CABCOCO1: variants seen among roughly 807,000 people sequenced by gnomAD.
CABCOCO1 encodes ciliary-associated calcium-binding coiled-coil protein 1.
In CABCOCO1, 28 loss-of-function variants were observed where a neutral mutation model predicts 35.7. The ratio of observed to expected loss-of-function variants is 0.78; its 90% CI spans 0.58 to 1.07. CABCOCO1 has a LOEUF of 1.07. CABCOCO1 is among the 50% of genes least tolerant of loss of function. The pLI is 0.00. For missense variants in CABCOCO1, 326 were observed against 309.2 expected (o/e 1.05, Z -0.41); for synonymous variants, 95 against 100.1 (o/e 0.95, Z 0.30).
Position 61,680,673 on chromosome 10 carries a change from T to TA in CABCOCO1, c.165-469dup, listed in dbSNP as rs1839740125. 3.4e-5 allele frequency among the ~76,000 whole-genome samples: 3 copies of TA among 87,016 alleles called. 1 individual carries two copies. The Admixed American group carries it at 3.8e-4, about 11-fold the overall frequency. The allele number at this position is 87,016 out of a possible 152,430, so 57.1% of individuals were successfully genotyped here. A position where few individuals can be genotyped will look rare whatever the true frequency, so the allele number is the denominator to read the frequency against. ...TATATTATGTTATACATGTATAACA[T>TA]ATATGTTATACATGTATAACATATA... On this transcript the variant is annotated intron_variant, in intron 2 of 7. Coordinates refer to ENST00000648843, the MANE Select transcript of CABCOCO1 (RefSeq NM_001366906.2).
At chr10:61,729,360 A>G (rs79239486) in intron 5 of CABCOCO1, among the ~76,000 whole-genome samples, 2,382 of 151,476 alleles carry the variant, frequency 0.016, 59 homozygotes, top group African/African-American at 0.054. Flanking sequence ...GGTATATGGG[A>G]AAAAAAAATG....
chr10:61,678,798 A>C (rs1312980457), intron 2 of CABCOCO1, among the ~76,000 whole-genome samples: 2 of 152,098 alleles, frequency 1.3e-5, no homozygotes, highest in Non-Finnish European at 2.9e-5. Context: ...CCATCATAGA[A>C]CAATAATTAT....
intron 4 of CABCOCO1, 44 bp from the exon 5 acceptor site, chr10:61,690,505 C>T: frequency 7.5e-7 from 1 of 1,340,268 alleles, no homozygotes; most frequent in South Asian, 1.3e-5. Context: ...TGTTTTTTTT[C>T]CTGAAATCAA....
chr10:61,685,477 T>C (rs1479351849), intron 3 of CABCOCO1: 1 of 152,138 alleles, frequency 6.6e-6, no homozygotes, highest in Admixed American at 6.5e-5. Context: ...TTTTGAATTT[T>C]TTTTCTTTTT....
At position 61,765,969 on chromosome 10, in the gene CABCOCO1, G is replaced by A. The variant is rs1842099903; in HGVS notation, c.847G>A (p.Glu283Lys). 3 of 1,613,414 alleles carry A rather than the reference G, an allele frequency of 1.9e-6. No homozygotes were observed. The highest frequency in any genetic ancestry group is 1.1e-5 in the South Asian group (1 of 91,044). Reference protein sequence around the residue: ...TEINEKLQIQEEAFNARIEKL... With the variant: ...TEINEKLQIQKEAFNARIEKL... ...GATAAACGAAAAACTGCAAATACAG[G>A]AAGAGGCCTTTAATGCACGAATAGA... The change falls in exon 8 of 8, where the codon GAA becomes AAA. Residue 283 changes from glutamate (E) to lysine (K), a missense_variant. By Grantham distance (56) the Glu-to-Lys change is moderately conservative. Transcript: ENST00000648843.
At chr10:61,748,540 C>T (rs1016595325) in intron 5 of CABCOCO1, among the ~76,000 whole-genome samples, 3 of 152,188 alleles carry the variant, frequency 2.0e-5, no homozygotes, top group Non-Finnish European at 4.4e-5. Flanking sequence ...ACTGTTATGG[C>T]CGTTTTCTAG....
intron 5 of CABCOCO1, among the ~76,000 whole-genome samples, chr10:61,693,398 A>G (rs1160160940): frequency 6.6e-6 from 1 of 152,106 alleles, no homozygotes; most frequent in East Asian, 1.9e-4. Context: ...CAAGACAAAC[A>G]TGAATGTTTG....
chr10:61,679,526 AT>A (rs1839642644), intron 2 of CABCOCO1, among the ~76,000 whole-genome samples: 1 of 152,180 alleles, frequency 6.6e-6, no homozygotes, highest in Admixed American at 6.5e-5. Flanking sequence ...TTCCTTACCA[AT>A]TAAAAAAAAT....
rs377531586 is a variant in CABCOCO1 at position 61,680,606 on chromosome 10, A to ATGTTATACATAACATAT, written c.165-537_165-536insTGTTATACATAACATAT. Among the ~76,000 whole-genome samples the ATGTTATACATAACATAT allele has an allele frequency of 1.7e-4, 3 of 17,218 alleles. No individual in the cohort carries two copies. In the Admixed American group the frequency reaches 2.9e-3, roughly 17 times the overall value. 11.3% of individuals were successfully genotyped at this position (17,218 alleles called of 152,430 possible). On this transcript the variant is annotated intron_variant, in intron 2 of 7. Transcript: ENST00000648843. Reference sequence around the variant, plus strand: ...TATATAACATATGTTATACATGTATAACATGTTATACATAACATATACATG... The same window carrying ATGTTATACATAACATAT: ...TATATAACATATGTTATACATGTATATGTTATACATAACATATACATGTTATACATAACATATACATG...
intron 3 of CABCOCO1, chr10:61,684,793 C>T (rs759016612): frequency 1.3e-5 from 2 of 152,344 alleles, no homozygotes; most frequent in Non-Finnish European, 2.9e-5. Context: ...TTACCTGACT[C>T]CATCTTCCAG....
Position 61,681,184 on chromosome 10 carries a change from G to T in CABCOCO1, c.206G>T (p.Cys69Phe). The change falls in exon 3 of 8, where the codon TGT (cysteine) becomes TTT (phenylalanine). Residue 69 changes from cysteine to phenylalanine, a missense_variant. Physicochemically the swap from Cys to Phe is radical, Grantham distance 205. Transcript: ENST00000648843. ...IFLNFKNLET[C>F]LKDAILLDYY... ...TTGAATTTCAAAAACCTTGAAACTT[G>T]TTTAAAGGATGCCATTCTACTAGAT... The T allele has an allele frequency of 6.6e-7, 1 of 1,506,656 alleles. No individual in the cohort carries two copies. Among genetic ancestry groups the T allele is most frequent in the Non-Finnish European group, 8.9e-7 (1 of 1,119,776 alleles). The allele number at this position is 1,506,656 out of a possible 1,614,324, so 93.3% of individuals were successfully genotyped here.
At position 61,738,977 on chromosome 10, in the gene CABCOCO1, G is replaced by GT. The variant is rs568788033; in HGVS notation, c.553-21072dup. ...AATGGACATTGCTAATTACAAGTGAGTTTTTTTTTTCTTAAGTCATTTAGG... is the reference window on the plus strand; with the variant it reads ...AATGGACATTGCTAATTACAAGTGAGTTTTTTTTTTTCTTAAGTCATTTAGG... On this transcript the variant is annotated intron_variant, in intron 5 of 7. Coordinates refer to ENST00000648843, the MANE Select transcript of CABCOCO1 (RefSeq NM_001366906.2). Among the ~76,000 whole-genome samples, 45 of 150,348 alleles carry GT rather than the reference G, an allele frequency of 3.0e-4. No homozygotes were observed. The South Asian group carries it at 4.2e-3, about 14-fold the overall frequency.
chr10:61,708,328 G>A (rs1429770246), intron 5 of CABCOCO1, among the ~76,000 whole-genome samples: 5 of 151,748 alleles, frequency 3.3e-5, no homozygotes, highest in Non-Finnish European at 7.4e-5. Flanking sequence ...TTCATTTGTT[G>A]CCTTTATAGT....
intron 1 of CABCOCO1, among the ~76,000 whole-genome samples, chr10:61,667,307 T>C (rs927391255): frequency 9.9e-5 from 15 of 150,868 alleles, no homozygotes; most frequent in African/African-American, 3.6e-4. Context: ...CTTTATGCTT[T>C]TCCACGCACT....
chr10:61,712,844 G>A (rs541507291), intron 5 of CABCOCO1, among the ~76,000 whole-genome samples: 1 of 152,178 alleles, frequency 6.6e-6, no homozygotes, highest in Non-Finnish European at 1.5e-5. Flanking sequence ...TGAAGCCTCT[G>A]TTCTGTTCCA....
intron 7 of CABCOCO1, among the ~76,000 whole-genome samples, chr10:61,764,461 T>C (rs10994915): frequency 0.15 from 22,708 of 151,994 alleles, 2,318 homozygotes; most frequent in East Asian, 0.55. Context: ...TAAAGTTTGA[T>C]ATTAACATAA....
At chr10:61,711,346 G>A (rs1349277560) in intron 5 of CABCOCO1, among the ~76,000 whole-genome samples, 1 of 151,832 alleles carries the variant, frequency 6.6e-6, no homozygotes, top group Non-Finnish European at 1.5e-5. Flanking sequence ...GGTTTTATAA[G>A]TATCAGACTC....
At chr10:61,674,413 C>A (rs1006262436) in intron 2 of CABCOCO1, among the ~76,000 whole-genome samples, 1 of 152,114 alleles carries the variant, frequency 6.6e-6, no homozygotes, top group African/African-American at 2.4e-5. Flanking sequence ...AAGACATCAT[C>A]TTTGGATAAA....
chr10:61,731,584 A>G (rs1182801397), intron 5 of CABCOCO1, among the ~76,000 whole-genome samples: 1 of 151,950 alleles, frequency 6.6e-6, no homozygotes, highest in Non-Finnish European at 1.5e-5. Flanking sequence ...CTAAGGAGTC[A>G]AACTTGGAAA....
Sources: allele counts gnomAD v4.1 joint callset (sites outside exome capture counted in the v4.1 genomes callset), GRCh38; gene constraint gnomAD v4.1.1; transcripts MANE v1.5; gene names NCBI Gene and HGNC (gene_info 2026-07-23, HGNC 2026-07-21).